Variants in DTNA observed in about 807,000 individuals in gnomAD.
The protein encoded by DTNA is dystrophin-related protein 3.
DTNA carries 43 observed loss-of-function variants against 100.7 expected under a neutral mutation model. The observed-to-expected ratio is 0.43, with a 90% CI of 0.33 to 0.55. The LOEUF (loss-of-function observed/expected upper bound fraction) is 0.55. Among genes scored for constraint, DTNA ranks in the 20% least tolerant of loss-of-function variants. The pLI, the probability that DTNA is intolerant of heterozygous loss-of-function variation, is 0.04. For missense variants in DTNA, 798 were observed against 953.9 expected, an observed-to-expected ratio of 0.84 and a Z score of 2.15; for synonymous variants, 349 against 347.9, an observed-to-expected ratio of 1.00 and a Z score of -0.04.
At chr18:34,792,241 C>G (rs968807874) in intron 3 of DTNA, among the ~76,000 whole-genome samples, 1 of 152,110 alleles carries the variant, frequency 6.6e-6, no homozygotes, top group Non-Finnish European at 1.5e-5. Flanking sequence ...ACAGATTGCT[C>G]TCTCTCTCTT....
At chr18:34,667,016 T>A (rs546807698) in intron 1 of DTNA, among the ~76,000 whole-genome samples, 17 of 152,340 alleles carry the variant, frequency 1.1e-4, no homozygotes, top group Non-Finnish European at 1.9e-4. Context: ...CTTTGGGCAG[T>A]ATGGCCATTT....
intron 13 of DTNA, among the ~76,000 whole-genome samples, chr18:34,846,459 G>A (rs551294878): frequency 2.0e-5 from 3 of 152,090 alleles, no homozygotes; most frequent in Non-Finnish European, 4.4e-5. Flanking sequence ...TGAGCAAAAG[G>A]AAAGAGAAGC....
intron 1 of DTNA, among the ~76,000 whole-genome samples, chr18:34,562,343 T>C (rs971124440): frequency 1.3e-5 from 2 of 152,220 alleles, no homozygotes; most frequent in African/African-American, 4.8e-5. Flanking sequence ...ACACAAAATA[T>C]GGGGGATAAA....
intron 1 of DTNA, among the ~76,000 whole-genome samples, chr18:34,700,836 T>C (rs551424393): frequency 6.6e-6 from 1 of 152,330 alleles, no homozygotes; most frequent in African/African-American, 2.4e-5. Flanking sequence ...CAACCTTGCT[T>C]CTTACTTCAT....
At chr18:34,588,192 A>G (rs1213767788) in intron 1 of DTNA, among the ~76,000 whole-genome samples, 2 of 152,206 alleles carry the variant, frequency 1.3e-5, no homozygotes, top group Admixed American at 1.3e-4. Context: ...AAGTGTCCCA[A>G]AGACCCACAA....
At chr18:34,493,603 G>C (rs1295985682) in intron 1 of DTNA, 1 of 151,014 alleles carries the variant, frequency 6.6e-6, no homozygotes, top group Middle Eastern at 3.2e-3. Context: ...CGAGGAGTGG[G>C]CGCGAGGCCG....
chr18:34,726,717 C>G (rs1047042747), intron 1 of DTNA, among the ~76,000 whole-genome samples: 2 of 152,238 alleles, frequency 1.3e-5, no homozygotes, highest in African/African-American at 2.4e-5. Context: ...CAGACTGCCA[C>G]CGAGTGGCTG....
chr18:34,801,176 T>C (rs1015722175), intron 4 of DTNA, among the ~76,000 whole-genome samples: 2 of 152,194 alleles, frequency 1.3e-5, no homozygotes, highest in African/African-American at 4.8e-5. Context: ...AGATAAAAGA[T>C]TTCAAGAAAC....
intron 3 of DTNA, among the ~76,000 whole-genome samples, chr18:34,780,177 G>A (rs540021249): frequency 2.0e-5 from 3 of 152,288 alleles, no homozygotes; most frequent in South Asian, 2.1e-4. Flanking sequence ...GGGCTAGGAC[G>A]TCTGCTTTAT....
At chr18:34,582,095 A>C (rs868395077) in intron 1 of DTNA, among the ~76,000 whole-genome samples, 74 of 150,994 alleles carry the variant, frequency 4.9e-4, no homozygotes, top group Admixed American at 3.3e-4. Flanking sequence ...TTCAAATTGA[A>C]ATTCTCCTAA....
At chr18:34,506,782 G>T (rs2040534676) in intron 1 of DTNA, among the ~76,000 whole-genome samples, 1 of 152,064 alleles carries the variant, frequency 6.6e-6, no homozygotes, top group African/African-American at 2.4e-5. Flanking sequence ...TAGCTGATTT[G>T]TCTTCTCTTC....
intron 13 of DTNA, among the ~76,000 whole-genome samples, chr18:34,845,163 T>G (rs187043210): frequency 6.6e-6 from 1 of 152,286 alleles, no homozygotes; most frequent in African/African-American, 2.4e-5. Context: ...AATAGAGGAA[T>G]TTATCAGAAG....
At chr18:34,599,043 G>A (rs993283956) in intron 1 of DTNA, among the ~76,000 whole-genome samples, 6 of 151,978 alleles carry the variant, frequency 3.9e-5, no homozygotes, top group African/African-American at 1.5e-4. Context: ...ATACTCTTTG[G>A]ACCACTTATA....
At chr18:34,880,114 T>A (rs1045539131) in intron 20 of DTNA, among the ~76,000 whole-genome samples, 7 of 152,130 alleles carry the variant, frequency 4.6e-5, no homozygotes, top group African/African-American at 1.7e-4. Context: ...ATTGGAGAGG[T>A]CTCTGTCCAG....
intron 1 of DTNA, 134 bp from the exon 2 acceptor site, chr18:34,755,842 T>G: frequency 1.3e-6 from 1 of 780,970 alleles, no homozygotes; most frequent in Non-Finnish European, 2.1e-6. Context: ...AAAGCTGTAC[T>G]TTTTAAAACA....
At chr18:34,533,977 G>T (rs2043420796) in intron 1 of DTNA, among the ~76,000 whole-genome samples, 1 of 152,032 alleles carries the variant, frequency 6.6e-6, no homozygotes, top group East Asian at 1.9e-4. Context: ...ATAAGGATTT[G>T]CTGGTTATTA....
chr18:34,509,368 G>A (rs1218485698), intron 1 of DTNA, among the ~76,000 whole-genome samples: 3 of 152,030 alleles, frequency 2.0e-5, no homozygotes, highest in Non-Finnish European at 2.9e-5. Flanking sequence ...GCTTTGATAG[G>A]AAGTACACAC....
chr18:34,593,083 T>C (rs1426706708), intron 1 of DTNA, among the ~76,000 whole-genome samples: 1 of 152,166 alleles, frequency 6.6e-6, no homozygotes, highest in East Asian at 1.9e-4. Flanking sequence ...GGAAGCATAG[T>C]GAGTCCTCGG....
intron 1 of DTNA, among the ~76,000 whole-genome samples, chr18:34,629,073 AT>A (rs1469893560): frequency 1.3e-5 from 2 of 152,086 alleles, no homozygotes; most frequent in Non-Finnish European, 2.9e-5. Flanking sequence ...GAAATGGCAT[AT>A]CATATAAATA....
Sources: allele counts gnomAD v4.1 joint callset (sites outside exome capture counted in the v4.1 genomes callset), GRCh38; gene constraint gnomAD v4.1.1; transcripts MANE v1.5; gene names NCBI Gene and HGNC (gene_info 2026-07-23, HGNC 2026-07-21).